The following GNA13 variants were observed in gnomAD, a reference collection of about 807,000 sequenced individuals.
The protein encoded by GNA13 is G protein subunit alpha 13, also known as guanine nucleotide-binding protein subunit alpha-13.
In GNA13, 4 loss-of-function variants were observed where a neutral mutation model predicts 33.5. The ratio of observed to expected loss-of-function variants is 0.12; its 90% CI spans 0.06 to 0.27. GNA13 has a LOEUF of 0.27. Among genes scored for constraint, GNA13 ranks in the 10% least tolerant of loss-of-function variants. The pLI, the probability that GNA13 is intolerant of heterozygous loss-of-function variation, is 1.00. For missense variants in GNA13, 319 were observed against 487.2 expected, an observed-to-expected ratio of 0.65 and a Z score of 3.25; for synonymous variants, 176 against 183.8, an observed-to-expected ratio of 0.96 and a Z score of 0.34.
At chr17:65,018,335 G>C in intron 2 of GNA13, 32 bp from the exon 3 acceptor site, 1 of 1,074,798 alleles carries the variant, frequency 9.3e-7, no homozygotes, top group Non-Finnish European at 1.5e-6. Context: ...ATAGTTATTA[G>C]GGCTTAGAAA....
chr17:65,024,311 T>C (rs1598483153), intron 2 of GNA13, among the ~76,000 whole-genome samples: 1 of 152,336 alleles, frequency 6.6e-6, no homozygotes, highest in East Asian at 1.9e-4. Context: ...TTTTCAAGGA[T>C]GAAATGTGTA....
Position 65,013,352 on chromosome 17 carries a change from C to T in GNA13, c.*905G>A, listed in dbSNP as rs1906256949. 1 of 209,772 alleles carries T rather than the reference C, an allele frequency of 4.8e-6. No individual in the cohort carries two copies. The highest frequency in any genetic ancestry group is 9.7e-6 in the Non-Finnish European group (1 of 103,086). The allele number at this position is 209,772 out of a possible 1,614,324, so 13.0% of individuals were successfully genotyped here. On this transcript the variant is annotated 3_prime_UTR_variant, in exon 4 of 4. Coordinates refer to ENST00000439174, the MANE Select transcript of GNA13 (RefSeq NM_006572.6). ...TTCCTACAGTAAGGATTGGTCTTTA[C>T]TGACCAACTGAGATAGGGCTTAAAA...
At chr17:65,039,983 T>TTGCA (rs1168470534) in intron 2 of GNA13, among the ~76,000 whole-genome samples, 1 of 152,234 alleles carries the variant, frequency 6.6e-6, no homozygotes, top group East Asian at 1.9e-4. Flanking sequence ...CATTCGCTAG[T>TTGCA]TACTTTTCAT....
Position 65,010,662 on chromosome 17 carries a change from C to T in GNA13, c.*3595G>A. ...CCAAGTGAAAAAGACATGAGCAAAA[C>T]TTCTGGTCTTAATTTCTCAAATAAA... On this transcript the variant is annotated 3_prime_UTR_variant, in exon 4 of 4. Transcript: ENST00000439174. 4.9e-6 allele frequency: 1 copy of T among 204,950 alleles called. No homozygotes were observed. Among genetic ancestry groups the T allele is most frequent in the Non-Finnish European group, 1.0e-5 (1 of 100,098 alleles). 12.7% of individuals were successfully genotyped at this position (204,950 alleles called of 1,614,324 possible).
intron 2 of GNA13, 66 bp from the exon 3 acceptor site, chr17:65,018,369 T>C: frequency 2.4e-6 from 2 of 839,996 alleles, no homozygotes; most frequent in Non-Finnish European, 2.1e-6. Context: ...TACAACAGTT[T>C]ACATCATACT....
chr17:65,026,500 C>T (rs547861476), intron 2 of GNA13, among the ~76,000 whole-genome samples: 1 of 152,156 alleles, frequency 6.6e-6, no homozygotes, highest in African/African-American at 2.4e-5. Context: ...TTTATATAGG[C>T]TGTAAAATAA....
intron 2 of GNA13, among the ~76,000 whole-genome samples, chr17:65,033,109 TAA>T (rs775193494): frequency 2.1e-5 from 3 of 142,962 alleles, no homozygotes; most frequent in Admixed American, 7.0e-5. Context: ...AGACTCCATT[TAA>T]AAAAAAAAAA....
At position 65,024,182 on chromosome 17, in the gene GNA13, G is replaced by A. The variant is rs566173684; in HGVS notation, c.511-5879C>T. 4.9e-4 allele frequency among the ~76,000 whole-genome samples: 75 copies of A among 152,322 alleles called. 1 individual carries two copies. The highest frequency in any genetic ancestry group is 1.6e-3 in the African/African-American group (66 of 41,572). The stretch of plus-strand genomic sequence containing the variant: ...GTAGGATCATCACCTGAGCCCGGGG[G>A]TTGAGGCTGCAATGAGCTGTGATCA... On this transcript the variant is annotated intron_variant, in intron 2 of 3. Transcript: ENST00000439174.
chr17:65,054,609 C>A (rs544723898), intron 1 of GNA13, among the ~76,000 whole-genome samples: 71 of 152,240 alleles, frequency 4.7e-4, no homozygotes, highest in African/African-American at 1.6e-3. Flanking sequence ...CCACGCCCAG[C>A]CTGAGAAACT....
chr17:65,036,607 G>A (rs1907259359), intron 2 of GNA13, among the ~76,000 whole-genome samples: 1 of 152,242 alleles, frequency 6.6e-6, no homozygotes, highest in Non-Finnish European at 1.5e-5. Flanking sequence ...TCAGGAAGGT[G>A]AGGCATAAGA....
rs1449831937 is a variant in GNA13, at chr17:65,011,157, T to A, written c.*3100A>T. On this transcript the variant is annotated 3_prime_UTR_variant, in exon 4 of 4. Coordinates refer to ENST00000439174, the MANE Select transcript of GNA13 (RefSeq NM_006572.6). ...ACATATGGTATTTGTTGAATCTAAA[T>A]CAGCACTTCTAATCATTTCTGGTAT... 1 of 206,180 alleles carries A rather than the reference T, an allele frequency of 4.9e-6. No homozygotes were observed. Among genetic ancestry groups the A allele is most frequent in the Non-Finnish European group, 9.9e-6 (1 of 100,934 alleles). 12.8% of individuals were successfully genotyped at this position (206,180 alleles called of 1,614,324 possible). A position where few individuals can be genotyped will look rare whatever the true frequency, so the allele number is the denominator to read the frequency against.
chr17:65,053,451 CTAAACATCAT>C, intron 2 of GNA13, 41 bp downstream of exon 2: 1 of 1,167,032 alleles, frequency 8.6e-7, no homozygotes, highest in South Asian at 1.2e-5. Flanking sequence ...ACCTGTATTA[CTAAACATCAT>C]TAAAATAAAA....
chr17:65,014,941 T>G lies in GNA13; in HGVS notation c.562-112A>C, dbSNP rs918617435. On this transcript the variant is annotated intron_variant, in intron 3 of 3. Coordinates refer to ENST00000439174, the MANE Select transcript of GNA13 (RefSeq NM_006572.6). The surrounding 1 kb of genome is among the most constrained non-coding windows in gnomAD (Gnocchi z 5.3). ...TATGCAAACAAAATGATCTTTTAAG[T>G]GACATTTTCAGATAGATTATGCTTA... 4.6e-6 allele frequency: 3 copies of G among 653,920 alleles called. No individual in the cohort carries two copies. In the African/African-American group the frequency reaches 5.5e-5, roughly 12 times the overall value. The allele number at this position is 653,920 out of a possible 1,614,324, so 40.5% of individuals were successfully genotyped here.
intron 2 of GNA13, among the ~76,000 whole-genome samples, chr17:65,039,024 G>A (rs1907363518): frequency 2.0e-5 from 3 of 152,288 alleles, no homozygotes; most frequent in Middle Eastern, 3.4e-3. Context: ...GGGACTGTCT[G>A]TATGCCCAAA....
chr17:65,031,395 G>A (rs913060452), intron 2 of GNA13, among the ~76,000 whole-genome samples: 2 of 152,200 alleles, frequency 1.3e-5, no homozygotes, highest in African/African-American at 4.8e-5. Context: ...GCACACGACT[G>A]TAAATGTCTG....
chr17:65,013,370 G>A lies in GNA13; in HGVS notation c.*887C>T. The A allele has an allele frequency of 4.8e-6, 1 of 209,918 alleles. No homozygotes were observed. Among genetic ancestry groups the A allele is most frequent in the Non-Finnish European group, 9.7e-6 (1 of 103,150 alleles). 13.0% of individuals were successfully genotyped at this position (209,918 alleles called of 1,614,324 possible). A position where few individuals can be genotyped will look rare whatever the true frequency, so the allele number is the denominator to read the frequency against. Reference sequence around the variant, plus strand: ...GTCTTTACTGACCAACTGAGATAGGGCTTAAAAGTCAAATACATGACATTC... The same window carrying A: ...GTCTTTACTGACCAACTGAGATAGGACTTAAAAGTCAAATACATGACATTC... On this transcript the variant is annotated 3_prime_UTR_variant, in exon 4 of 4. Transcript: ENST00000439174.
chr17:65,037,083 C>T (rs996696876), intron 2 of GNA13, among the ~76,000 whole-genome samples: 2 of 152,168 alleles, frequency 1.3e-5, no homozygotes, highest in South Asian at 4.1e-4. Flanking sequence ...ATTACCCCAA[C>T]TAAATTGGAA....
At chr17:65,040,718 C>T (rs1004115786) in intron 2 of GNA13, among the ~76,000 whole-genome samples, 1 of 152,142 alleles carries the variant, frequency 6.6e-6, no homozygotes, top group Non-Finnish European at 1.5e-5. Flanking sequence ...GTCTCGCTTT[C>T]CTGACCTTGT....
intron 2 of GNA13, among the ~76,000 whole-genome samples, chr17:65,025,936 C>T (rs766854425): frequency 6.6e-5 from 10 of 151,456 alleles, no homozygotes; most frequent in East Asian, 1.9e-4. Context: ...CAGTGAGCCA[C>T]GACTAAGCAG....
Sources: allele counts gnomAD v4.1 joint callset (sites outside exome capture counted in the v4.1 genomes callset), GRCh38; gene constraint gnomAD v4.1.1; non-coding constraint Gnocchi (gnomAD v3.1); transcripts MANE v1.5; gene names NCBI Gene and HGNC (gene_info 2026-07-23, HGNC 2026-07-21).